The following TOX variants were observed in gnomAD, a reference collection of about 807,000 sequenced individuals.
TOX encodes the protein thymocyte selection associated high mobility group box.
Under a neutral mutation model 53.7 loss-of-function variants are expected in TOX, and 11 were observed. The observed-to-expected ratio is 0.20, with a 90% CI of 0.13 to 0.34. The LOEUF is 0.34. Among genes scored for constraint, TOX ranks in the 10% least tolerant of loss-of-function variants. TOX has a pLI of 1.00. For synonymous variants in TOX, 225 were observed against 245.3 expected, an observed-to-expected ratio of 0.92 and a Z score of 0.77; for missense variants, 570 against 664.6, an observed-to-expected ratio of 0.86 and a Z score of 1.56.
At chr8:59,086,320 TG>T (rs796235309) in intron 1 of TOX, among the ~76,000 whole-genome samples, 4 of 152,240 alleles carry the variant, frequency 2.6e-5, no homozygotes, top group African/African-American at 9.6e-5. Context: ...ATTTGACTCT[TG>T]GGGTGTGAAG....
intron 3 of TOX, among the ~76,000 whole-genome samples, chr8:58,897,703 C>CTGTTTT (rs1554528143): frequency 1.3e-5 from 2 of 148,400 alleles, no homozygotes; most frequent in Admixed American, 6.7e-5. Flanking sequence ...AAATGGAAGT[C>CTGTTTT]TTTTTTTTTT....
rs1310853822 is a variant in TOX at position 59,044,056 on chromosome 8, A to G, written c.102+74830T>C. 2.0e-5 allele frequency among the ~76,000 whole-genome samples: 3 copies of G among 152,160 alleles called. No individual in the cohort carries two copies. In the East Asian group the frequency reaches 5.8e-4, roughly 29 times the overall value. ...CCCACCAAATTCTCTGTATATAGCT[A>G]TTTCTCTGAGCCAGCTCTGGTGTAA... On this transcript the variant is annotated intron_variant, in intron 1 of 8. Transcript: ENST00000361421.
chr8:59,014,058 T>C (rs1290604961), intron 1 of TOX, among the ~76,000 whole-genome samples: 2 of 152,186 alleles, frequency 1.3e-5, no homozygotes, highest in Non-Finnish European at 2.9e-5. Flanking sequence ...GGAGAGGAAA[T>C]AGTCATTGTT....
At chr8:58,906,394 G>A (rs1811815564) in intron 3 of TOX, among the ~76,000 whole-genome samples, 1 of 152,228 alleles carries the variant, frequency 6.6e-6, no homozygotes, top group Non-Finnish European at 1.5e-5. Context: ...GGATGCTGAA[G>A]CATCAGATGT....
chr8:58,906,487 C>T (rs1811817065), intron 3 of TOX, among the ~76,000 whole-genome samples: 2 of 152,120 alleles, frequency 1.3e-5, no homozygotes, highest in Non-Finnish European at 2.9e-5. Context: ...TTAATAACAC[C>T]ATCTGATTAA....
intron 1 of TOX, among the ~76,000 whole-genome samples, chr8:59,078,701 G>C (rs1267571745): frequency 6.6e-6 from 1 of 152,162 alleles, no homozygotes; most frequent in African/African-American, 2.4e-5. Context: ...CTAGGAGTGG[G>C]GCTTTGCTAT....
chr8:59,063,478 C>T (rs1804027823), intron 1 of TOX, among the ~76,000 whole-genome samples: 1 of 142,316 alleles, frequency 7.0e-6, no homozygotes, highest in Non-Finnish European at 1.5e-5. Flanking sequence ...AGCTGGAATG[C>T]AGTGACATGA....
intron 5 of TOX, among the ~76,000 whole-genome samples, 180 bp from the exon 6 acceptor site, chr8:58,827,082 A>C (rs544982044): frequency 6.6e-6 from 1 of 152,192 alleles, no homozygotes; most frequent in East Asian, 1.9e-4. Flanking sequence ...GTATGGCAAT[A>C]GACTAGAAAA....
intron 1 of TOX, among the ~76,000 whole-genome samples, chr8:59,038,015 TCTATGA>T (rs1265376374): frequency 6.6e-6 from 1 of 152,132 alleles, no homozygotes; most frequent in Admixed American, 6.5e-5. Flanking sequence ...ATCTAGTGTC[TCTATGA>T]CTTTTGAAAT....
chr8:58,937,450 C>T (rs959956583), intron 3 of TOX, among the ~76,000 whole-genome samples: 11 of 152,092 alleles, frequency 7.2e-5, no homozygotes, highest in African/African-American at 2.7e-4. Flanking sequence ...ATGAAAATGG[C>T]CTATCTTGTG....
chr8:58,864,406 C>T (rs60888831), intron 3 of TOX, among the ~76,000 whole-genome samples: 4,538 of 152,046 alleles, frequency 0.03, 166 homozygotes, highest in East Asian at 0.12. Flanking sequence ...AATCAAAAAA[C>T]AAAAATAAAA....
chr8:58,900,848 GT>G (rs1008123527), intron 3 of TOX, among the ~76,000 whole-genome samples: 1 of 151,868 alleles, frequency 6.6e-6, no homozygotes, highest in African/African-American at 2.4e-5. Context: ...GTTGGTAGAG[GT>G]TTTTTTTGTA....
intron 3 of TOX, among the ~76,000 whole-genome samples, chr8:58,868,511 T>G (rs2129169748): frequency 6.6e-6 from 1 of 152,182 alleles, no homozygotes; most frequent in Non-Finnish European, 1.5e-5. Context: ...TATCAGCAAA[T>G]GTGGGAATCA....
At chr8:58,899,228 C>T (rs962011063) in intron 3 of TOX, among the ~76,000 whole-genome samples, 1 of 152,232 alleles carries the variant, frequency 6.6e-6, no homozygotes, top group Non-Finnish European at 1.5e-5. Flanking sequence ...TACTAACTGG[C>T]TAGCAATTGT....
intron 1 of TOX, among the ~76,000 whole-genome samples, chr8:59,023,599 A>G (rs768391178): frequency 8.5e-5 from 13 of 152,180 alleles, no homozygotes; most frequent in African/African-American, 3.1e-4. Flanking sequence ...GACTGTTCTA[A>G]TGACATGGAA....
chr8:58,956,817 T>G (rs2129178168), intron 2 of TOX, among the ~76,000 whole-genome samples: 1 of 152,292 alleles, frequency 6.6e-6, no homozygotes, highest in Admixed American at 6.5e-5. Flanking sequence ...GGTTTCGCCA[T>G]GTTGGCCAGG....
intron 1 of TOX, among the ~76,000 whole-genome samples, chr8:59,071,268 T>C (rs1182294289): frequency 6.6e-6 from 1 of 152,064 alleles, no homozygotes; most frequent in East Asian, 1.9e-4. Flanking sequence ...CCAAGACACA[T>C]ACTTAGGGTG....
intron 1 of TOX, among the ~76,000 whole-genome samples, chr8:59,044,246 A>AAAAAAAGG (rs1554541662): frequency 2.7e-5 from 4 of 149,926 alleles, no homozygotes; most frequent in Admixed American, 6.6e-5. Context: ...AAAAAAAAAA[A>AAAAAAAGG]GGTGGACGAC....
At chr8:58,827,945 A>G (rs566624282) in intron 5 of TOX, among the ~76,000 whole-genome samples, 79 of 152,316 alleles carry the variant, frequency 5.2e-4, no homozygotes, top group African/African-American at 1.8e-3. Context: ...TTTCATTGAT[A>G]CAGCTATTTT....
Sources: gnomAD v4.1 joint callset for allele counts (sites outside exome capture counted in the v4.1 genomes callset) on GRCh38, gnomAD v4.1.1 for gene constraint, MANE v1.5 for transcripts, NCBI Gene and HGNC (gene_info 2026-07-23, HGNC 2026-07-21) for gene names.